MYRIP: variants seen among roughly 807,000 people sequenced by gnomAD.
MYRIP encodes rab effector MyRIP.
In MYRIP, 49 loss-of-function variants were observed where a neutral mutation model predicts 98.0. The observed-to-expected ratio is 0.50, with a 90% CI of 0.40 to 0.63. MYRIP has a LOEUF of 0.63. Ranked by LOEUF, MYRIP falls within the 30% of genes least tolerant of loss-of-function variation. The pLI is 0.00. For synonymous variants in MYRIP, 404 were observed against 409.5 expected, an observed-to-expected ratio of 0.99 and a Z score of 0.16; for missense variants, 1,004 against 1,058.2, an observed-to-expected ratio of 0.95 and a Z score of 0.71.
intron 2 of MYRIP, among the ~76,000 whole-genome samples, chr3:39,987,586 C>CT (rs1946063247): frequency 1.3e-5 from 2 of 152,162 alleles, no homozygotes; most frequent in Non-Finnish European, 2.9e-5. Context: ...GCCACACTAT[C>CT]TTTGGCAATG....
intron 2 of MYRIP, among the ~76,000 whole-genome samples, chr3:39,902,555 C>T (rs916370326): frequency 1.3e-5 from 2 of 152,186 alleles, no homozygotes; most frequent in African/African-American, 2.4e-5. Flanking sequence ...CCCTAAACCT[C>T]TGTGGAATGG....
rs569692878 is a variant in MYRIP, at chr3:39,971,533, A to C, written c.110+70607A>C. On this transcript the variant is annotated intron_variant, in intron 2 of 16. Transcript: ENST00000302541. ...CCAGATGGAAGCATTTTAAAAATTC[A>C]TCTTGGAGAAGGTTCAAAAGGTATC... Among the ~76,000 whole-genome samples, 3 of 152,242 alleles carry C rather than the reference A, an allele frequency of 2.0e-5. No homozygotes were observed. The South Asian group carries it at 6.2e-4, about 32-fold the overall frequency.
chr3:40,143,869 G>A (rs1174765496), intron 3 of MYRIP, among the ~76,000 whole-genome samples: 1 of 152,144 alleles, frequency 6.6e-6, no homozygotes, highest in African/African-American at 2.4e-5. Flanking sequence ...ATTCCCCACG[G>A]ATTTGCTGTA....
At chr3:40,157,294 C>T (rs1284061714) in intron 4 of MYRIP, among the ~76,000 whole-genome samples, 5 of 138,786 alleles carry the variant, frequency 3.6e-5, no homozygotes, top group Admixed American at 1.5e-4. Context: ...TGCTGGATTA[C>T]ATTTATTGAT....
chr3:39,904,241 G>GTTGT (rs913560111), intron 2 of MYRIP, among the ~76,000 whole-genome samples: 93 of 151,956 alleles, frequency 6.1e-4, no homozygotes, highest in East Asian at 3.9e-3. Context: ...TTCTTTGTTT[G>GTTGT]TTGTTTGTTT....
At chr3:40,089,853 G>T (rs901423446) in intron 3 of MYRIP, among the ~76,000 whole-genome samples, 1 of 152,014 alleles carries the variant, frequency 6.6e-6, no homozygotes, top group Non-Finnish European at 1.5e-5. Context: ...CCAAAATTAC[G>T]TAGAGGGTCT....
chr3:40,028,272 G>A (rs1368751345), intron 2 of MYRIP, among the ~76,000 whole-genome samples: 1 of 152,120 alleles, frequency 6.6e-6, no homozygotes, highest in East Asian at 1.9e-4. Context: ...TACACCAGAT[G>A]TAAGAAGATA....
chr3:39,870,356 C>T (rs575562514), intron 1 of MYRIP, among the ~76,000 whole-genome samples: 2 of 44,464 alleles, frequency 4.5e-5, no homozygotes, highest in Admixed American at 3.8e-4. Flanking sequence ...CCAATTTGTT[C>T]CATTCTTCCA....
intron 3 of MYRIP, among the ~76,000 whole-genome samples, chr3:40,050,462 GA>G (rs199951644): frequency 0.12 from 16,743 of 145,402 alleles, 1,048 homozygotes; most frequent in East Asian, 0.22. Flanking sequence ...CTACTGCTCA[GA>G]AAAAAAAAAA....
At chr3:40,180,875 C>T (rs1297545017) in intron 8 of MYRIP, among the ~76,000 whole-genome samples, 5 of 152,174 alleles carry the variant, frequency 3.3e-5, no homozygotes, top group Admixed American at 6.5e-5. Context: ...GTGAACCAGA[C>T]GCCCTGTATG....
At chr3:40,249,236 C>T (rs978636000) in intron 13 of MYRIP, among the ~76,000 whole-genome samples, 6 of 152,210 alleles carry the variant, frequency 3.9e-5, no homozygotes, top group African/African-American at 1.4e-4. Flanking sequence ...CCTAACAACA[C>T]TCAGAATGTA....
At chr3:39,911,175 T>C (rs1233887815) in intron 2 of MYRIP, among the ~76,000 whole-genome samples, 1 of 152,250 alleles carries the variant, frequency 6.6e-6, no homozygotes, top group African/African-American at 2.4e-5. Flanking sequence ...AATGGCCCAC[T>C]ATTCAAAATT....
chr3:40,002,466 C>T (rs1005897782), intron 2 of MYRIP, among the ~76,000 whole-genome samples: 6 of 151,686 alleles, frequency 4.0e-5, no homozygotes, highest in Non-Finnish European at 1.5e-5. Flanking sequence ...ACCCAGGAGG[C>T]GGAGGTTGTA....
intron 1 of MYRIP, among the ~76,000 whole-genome samples, chr3:39,841,988 C>A (rs1433243868): frequency 6.6e-6 from 1 of 152,200 alleles, no homozygotes; most frequent in African/African-American, 2.4e-5. Flanking sequence ...GAGCACTATG[C>A]TGGGAGATTC....
chr3:39,960,221 C>T (rs1301759993), intron 2 of MYRIP, among the ~76,000 whole-genome samples: 1 of 152,022 alleles, frequency 6.6e-6, no homozygotes, highest in Non-Finnish European at 1.5e-5. Context: ...CCACTAGTCC[C>T]ATCTCTTGCA....
chr3:39,810,938 C>G (rs1277929383), intron 1 of MYRIP, among the ~76,000 whole-genome samples: 1 of 152,190 alleles, frequency 6.6e-6, no homozygotes, highest in East Asian at 1.9e-4. Context: ...TCCATGCTCT[C>G]CATCTCCCCG....
At position 40,216,666 on chromosome 3, in the gene MYRIP, A is replaced by G. The variant is rs530114169; in HGVS notation, c.1905+6573A>G. Among the ~76,000 whole-genome samples, 3 of 152,286 alleles carry G rather than the reference A, an allele frequency of 2.0e-5. No homozygotes were observed. In the South Asian group the frequency reaches 6.2e-4, roughly 32 times the overall value. ...TTTTTAAAAGCACATCATAATCTCA[A>G]CTGATGCCAAAATGTCTTTTGGAAA... On this transcript the variant is annotated intron_variant, in intron 11 of 16. Transcript: ENST00000302541.
At chr3:39,854,429 T>C (rs1394886204) in intron 1 of MYRIP, among the ~76,000 whole-genome samples, 1 of 152,128 alleles carries the variant, frequency 6.6e-6, no homozygotes, top group Admixed American at 6.5e-5. Context: ...TGTTCTAGTC[T>C]ATTGTTGACA....
intron 1 of MYRIP, among the ~76,000 whole-genome samples, chr3:39,892,839 T>C (rs1680004967): frequency 6.6e-6 from 1 of 152,220 alleles, no homozygotes; most frequent in Non-Finnish European, 1.5e-5. Flanking sequence ...CATAGATAAC[T>C]TTCTGTAGCA....
Sources: gnomAD v4.1 joint callset for allele counts (sites outside exome capture counted in the v4.1 genomes callset) on GRCh38, gnomAD v4.1.1 for gene constraint, MANE v1.5 for transcripts, NCBI Gene and HGNC (gene_info 2026-07-23, HGNC 2026-07-21) for gene names.